Variants in NRROS observed in about 807,000 individuals in gnomAD.
The protein encoded by NRROS is transforming growth factor beta activator LRRC33.
NRROS carries 6 observed loss-of-function variants against 12.0 expected under a neutral mutation model. The observed-to-expected ratio is 0.50, with a 90% CI of 0.27 to 0.98. The LOEUF (loss-of-function observed/expected upper bound fraction) is 0.98, where lower values mean the gene tolerates loss of function less well. Among genes scored for constraint, NRROS ranks in the 50% least tolerant of loss-of-function variants. The pLI is 0.11. For missense variants in NRROS, 857 were observed against 888.2 expected, an observed-to-expected ratio of 0.96 and a Z score of 0.45; for synonymous variants, 462 against 410.2, an observed-to-expected ratio of 1.13 and a Z score of -1.53.
chr3:196,654,098 C>T lies in NRROS; in HGVS notation c.-13-429C>T, dbSNP rs114521628. ...CGTGTTTCCGTCTCCGTCCACTCTC[C>T]AGTTGTTCATTCATTCACTCAGCAA... On this transcript the variant is annotated intron_variant, in intron 1 of 2. Coordinates refer to ENST00000328557, the MANE Select transcript of NRROS (RefSeq NM_198565.3). This position sits in a 1 kb window ranked among gnomAD's most constrained non-coding sequence, Gnocchi z 4.4. Among the ~76,000 whole-genome samples, 703 of 152,282 alleles carry T rather than the reference C, an allele frequency of 4.6e-3. 8 individuals are homozygous for T. The highest frequency in any genetic ancestry group is 0.016 in the African/African-American group (671 of 41,564).
rs750091215 is a variant in NRROS at position 196,659,747 on chromosome 3, C to T, written c.109-5C>T. The T allele has an allele frequency of 8.1e-6, 13 of 1,602,530 alleles. No individual in the cohort carries two copies. The highest frequency in any genetic ancestry group is 2.2e-5 in the East Asian group (1 of 44,666). On this transcript the variant is annotated splice_region_variant and splice_polypyrimidine_tract_variant and intron_variant, in intron 2 of 2. Transcript: ENST00000328557. ...CGCTGCTGACCGGTGTGGTTTTGGC[C>T]GCAGGTGGGTGGAGCCGCTGACTGC...
intron 1 of NRROS, among the ~76,000 whole-genome samples, chr3:196,650,117 A>C: frequency 6.6e-6 from 1 of 152,126 alleles, no homozygotes; most frequent in East Asian, 1.9e-4. Flanking sequence ...TAAAAACAAA[A>C]CAATAGCAAA....
intron 1 of NRROS, among the ~76,000 whole-genome samples, chr3:196,643,527 C>G (rs2108635301): frequency 1.3e-5 from 2 of 151,988 alleles, no homozygotes; most frequent in East Asian, 3.9e-4. Flanking sequence ...CTGCTGCCAC[C>G]TCCAAGAAAG....
chr3:196,646,930 T>C (rs1488135819), intron 1 of NRROS, among the ~76,000 whole-genome samples: 2 of 152,206 alleles, frequency 1.3e-5, no homozygotes, highest in African/African-American at 4.8e-5. Context: ...TTAGCAAACT[T>C]GGGGATTATA....
At chr3:196,649,217 G>A (rs1459046109) in intron 1 of NRROS, among the ~76,000 whole-genome samples, 1 of 152,200 alleles carries the variant, frequency 6.6e-6, no homozygotes, top group East Asian at 1.9e-4. Flanking sequence ...AATGGTCACA[G>A]ACTGGGGGTT....
intron 1 of NRROS, among the ~76,000 whole-genome samples, chr3:196,652,361 GC>G (rs1737445000): frequency 6.6e-6 from 1 of 152,166 alleles, no homozygotes; most frequent in East Asian, 1.9e-4. Flanking sequence ...TACCTTTACA[GC>G]CATGAAGCCC....
rs145887983 is a variant in NRROS at position 196,655,450 on chromosome 3, G to A, written c.108+803G>A. 6.5e-3 allele frequency among the ~76,000 whole-genome samples: 984 copies of A among 151,860 alleles called. 14 individuals carry two copies. Among genetic ancestry groups the A allele is most frequent in the African/African-American group, 0.023 (942 of 41,378 alleles). Reference sequence around the variant, plus strand: ...CTTGGGAAGCTGAAGGAGGAGAATCGCTTGAACCCGGGAGACGGAGGTTGC... The same window carrying A: ...CTTGGGAAGCTGAAGGAGGAGAATCACTTGAACCCGGGAGACGGAGGTTGC... On this transcript the variant is annotated intron_variant, in intron 2 of 2. Transcript: ENST00000328557.
chr3:196,647,822 G>A (rs1420842512), intron 1 of NRROS, among the ~76,000 whole-genome samples: 1 of 152,190 alleles, frequency 6.6e-6, no homozygotes, highest in Non-Finnish European at 1.5e-5. Context: ...GCCTCCCAAA[G>A]TGCTGGGATT....
Position 196,661,815 on chromosome 3 carries a change from AC to A in NRROS, c.*94del. 8.9e-7 allele frequency: 1 copy of A among 1,124,392 alleles called. No homozygotes were observed. Among genetic ancestry groups the A allele is most frequent in the Non-Finnish European group, 1.2e-6 (1 of 807,202 alleles). The allele number at this position is 1,124,392 out of a possible 1,614,324, so 69.7% of individuals were successfully genotyped here. ...AGATGTGATGCAGAGGCCAAGTCTGACGAATTGAAGTTTCAATTAAAATTTA... is the reference window on the plus strand; with the variant it reads ...AGATGTGATGCAGAGGCCAAGTCTGAGAATTGAAGTTTCAATTAAAATTTA... On this transcript the variant is annotated 3_prime_UTR_variant, in exon 3 of 3. Transcript: ENST00000328557.
rs754374387 is a variant in NRROS, at chr3:196,659,850, C to T, written c.207C>T (p.Leu69=). The T allele has an allele frequency of 2.5e-6, 4 of 1,614,110 alleles. No individual in the cohort carries two copies. In the South Asian group the frequency reaches 4.4e-5, roughly 18 times the overall value. The change falls in exon 3 of 3, where the codon CTC becomes CTT. Residue 69 remains leucine, a synonymous_variant. Transcript: ENST00000328557. ...TGCTCACCCTGGATGCCAACCCTCT[C>T]AAGACCCTGTGGAATCACTCCCTCC... is the stretch of plus-strand genomic sequence containing the variant. ...ARMLTLDANP[L]KTLWNHSLQP... is the part of the protein sequence containing the mutation.
intron 1 of NRROS, among the ~76,000 whole-genome samples, chr3:196,646,240 G>A (rs564005094): frequency 6.6e-6 from 1 of 152,346 alleles, no homozygotes; most frequent in Non-Finnish European, 1.5e-5. Flanking sequence ...CTCTACACAG[G>A]TCCCACCTGC....
chr3:196,650,251 G>A (rs901575299), intron 1 of NRROS, among the ~76,000 whole-genome samples: 1 of 152,010 alleles, frequency 6.6e-6, no homozygotes, highest in Non-Finnish European at 1.5e-5. Flanking sequence ...AGGTTCGATT[G>A]TCCTGCCTCA....
intron 2 of NRROS, 60 bp from the exon 3 acceptor site, chr3:196,659,692 T>C: frequency 1.3e-6 from 2 of 1,510,148 alleles, no homozygotes; most frequent in Non-Finnish European, 1.8e-6. Flanking sequence ...ACTAAGTTTC[T>C]ATGCATAAAT....
At chr3:196,659,716 C>A in intron 2 of NRROS, 36 bp from the exon 3 acceptor site, 3 of 1,572,424 alleles carry the variant, frequency 1.9e-6, no homozygotes, top group Non-Finnish European at 2.6e-6. Flanking sequence ...TGCCTCTGGG[C>A]CTCCTCGCTG....
chr3:196,643,644 C>T, intron 1 of NRROS, among the ~76,000 whole-genome samples: 1 of 152,250 alleles, frequency 6.6e-6, no homozygotes, highest in Non-Finnish European at 1.5e-5. Context: ...AACCCCACAC[C>T]CACAGTGCCT....
chr3:196,651,310 A>C (rs977155705), intron 1 of NRROS, among the ~76,000 whole-genome samples: 11 of 152,218 alleles, frequency 7.2e-5, no homozygotes, highest in African/African-American at 2.7e-4. Flanking sequence ...GTCAGGGTCC[A>C]ACCAGGAAAC....
At chr3:196,646,384 T>C (rs1737312006) in intron 1 of NRROS, among the ~76,000 whole-genome samples, 1 of 152,242 alleles carries the variant, frequency 6.6e-6, no homozygotes, top group Non-Finnish European at 1.5e-5. Context: ...AGAGATTATG[T>C]GGGTCTCTCC....
chr3:196,657,734 C>A (rs1340034533), intron 2 of NRROS, among the ~76,000 whole-genome samples: 4 of 148,856 alleles, frequency 2.7e-5, no homozygotes, highest in Admixed American at 6.7e-5. Context: ...GATAAAAATT[C>A]TCTTCCAGAG....
chr3:196,645,837 C>T (rs843523), intron 1 of NRROS, among the ~76,000 whole-genome samples: 38,699 of 152,112 alleles, frequency 0.25, 6,044 homozygotes, highest in African/African-American at 0.43. Flanking sequence ...TCCCAGGGTC[C>T]ACACGCTGCA....
Sources: allele counts gnomAD v4.1 joint callset (sites outside exome capture counted in the v4.1 genomes callset), GRCh38; gene constraint gnomAD v4.1.1; non-coding constraint Gnocchi (gnomAD v3.1); transcripts MANE v1.5; gene names NCBI Gene and HGNC (gene_info 2026-07-23, HGNC 2026-07-21).